The following HOOK3 variants were observed in gnomAD, a reference collection of about 807,000 sequenced individuals.
HOOK3 encodes hook microtubule tethering protein 3.
In HOOK3, 24 loss-of-function variants were observed where a neutral mutation model predicts 116.3. The ratio of observed to expected loss-of-function variants is 0.21; its 90% CI spans 0.15 to 0.29. The LOEUF is 0.29. Among genes scored for constraint, HOOK3 ranks in the 10% least tolerant of loss-of-function variants. The probability of loss-of-function intolerance (pLI) is 1.00; values close to 1 mark genes in which losing one functional copy is unlikely to be tolerated. For synonymous variants in HOOK3, 275 were observed against 283.0 expected (o/e 0.97, Z 0.28); for missense variants, 632 against 830.2 (o/e 0.76, Z 2.93).
At chr8:42,975,357 C>T (rs572916447) in intron 13 of HOOK3, among the ~76,000 whole-genome samples, 1 of 152,304 alleles carries the variant, frequency 6.6e-6, no homozygotes, top group Admixed American at 6.5e-5. Context: ...GCCATGGCCT[C>T]ATTCATCCCG....
Position 42,930,180 on chromosome 8 carries a change from C to A in HOOK3, c.267+8C>A. The A allele has an allele frequency of 6.6e-7, 1 of 1,525,318 alleles. No individual in the cohort carries two copies. Among genetic ancestry groups the A allele is most frequent in the South Asian group, 1.3e-5 (1 of 77,048 alleles). The allele number at this position is 1,525,318 out of a possible 1,614,324, so 94.5% of individuals were successfully genotyped here. On this transcript the variant is annotated splice_region_variant and intron_variant, in intron 4 of 21. Coordinates refer to ENST00000307602, the MANE Select transcript of HOOK3 (RefSeq NM_032410.4). ...TTGGATTATAATCATGAGGTAAAGACTTTTTTCTCATTCTGCTTAGAAGTG... is the reference window on the plus strand; with the variant it reads ...TTGGATTATAATCATGAGGTAAAGAATTTTTTCTCATTCTGCTTAGAAGTG...
At chr8:43,002,192 C>T in intron 17 of HOOK3, 51 bp downstream of exon 17, 1 of 1,393,070 alleles carries the variant, frequency 7.2e-7, no homozygotes, top group Non-Finnish European at 1.0e-6. Flanking sequence ...AACACATGTG[C>T]TTTGTGTTAG....
intron 5 of HOOK3, among the ~76,000 whole-genome samples, chr8:42,945,336 G>T (rs928198822): frequency 3.3e-5 from 5 of 152,020 alleles, no homozygotes; most frequent in Non-Finnish European, 5.9e-5. Context: ...TCGAGATGGA[G>T]TCTTGCTCTG....
chr8:43,030,271 C>T lies in HOOK3; in HGVS notation c.*11773C>T, dbSNP rs1165331648. ...AAAAACATAAAGTCCAGGAAACCAC[C>T]AGAAGATGGATTTTTAGTGTTTTTG... On this transcript the variant is annotated 3_prime_UTR_variant, in exon 22 of 22. Coordinates refer to ENST00000307602, the MANE Select transcript of HOOK3 (RefSeq NM_032410.4). 5.2e-6 allele frequency: 1 copy of T among 191,268 alleles called. No individual in the cohort carries two copies. The highest frequency in any genetic ancestry group is 2.3e-5 in the African/African-American group (1 of 43,024). The allele number at this position is 191,268 out of a possible 1,614,324, so 11.8% of individuals were successfully genotyped here.
At chr8:42,901,765 GCAGTGGCACAATCTCGGCTCACTGCAACC>G (rs2130312356) in intron 1 of HOOK3, among the ~76,000 whole-genome samples, 1 of 152,334 alleles carries the variant, frequency 6.6e-6, no homozygotes, top group South Asian at 2.1e-4. Context: ...AGGCTGGAGT[GCAGTGGCACAATCTCGGCTCACTGCAACC>G]TCCACCTCCT....
At chr8:42,953,318 C>T (rs1474678856) in intron 6 of HOOK3, among the ~76,000 whole-genome samples, 1 of 149,776 alleles carries the variant, frequency 6.7e-6, no homozygotes, top group African/African-American at 2.5e-5. Context: ...GTAATCCCAG[C>T]ACATTGGGAG....
At chr8:42,907,833 A>C (rs936140305) in intron 2 of HOOK3, among the ~76,000 whole-genome samples, 12 of 151,334 alleles carry the variant, frequency 7.9e-5, no homozygotes, top group South Asian at 2.1e-4. Flanking sequence ...AAAAAAAAAA[A>C]AAAAAACAGT....
At chr8:42,963,382 G>T (rs1808571518) in intron 8 of HOOK3, among the ~76,000 whole-genome samples, 1 of 152,158 alleles carries the variant, frequency 6.6e-6, no homozygotes, top group African/African-American at 2.4e-5. Context: ...TGGATTTTTG[G>T]ATTTGGGATG....
At chr8:42,912,686 GCCCACCACACACTGCCTTC>G (rs1394546479) in intron 2 of HOOK3, among the ~76,000 whole-genome samples, 1 of 78,670 alleles carries the variant, frequency 1.3e-5, no homozygotes, top group Non-Finnish European at 2.5e-5. Flanking sequence ...CACACTCCTT[GCCCACCACACACTGCCTTC>G]CCCCACCACA....
chr8:43,014,839 C>T (rs971048061), intron 21 of HOOK3, among the ~76,000 whole-genome samples: 17 of 152,054 alleles, frequency 1.1e-4, no homozygotes, highest in Non-Finnish European at 7.4e-5. Flanking sequence ...TCTGTATTTG[C>T]CTTGGTCAAA....
In HOOK3 at chr8:43,030,030, CA is replaced by C; in HGVS notation, c.*11537del. 3 of 212,456 alleles carry C rather than the reference CA, an allele frequency of 1.4e-5. No individual in the cohort carries two copies. The highest frequency in any genetic ancestry group is 7.1e-5 in the East Asian group (1 of 14,030). 13.2% of individuals were successfully genotyped at this position (212,456 alleles called of 1,614,324 possible). On this transcript the variant is annotated 3_prime_UTR_variant, in exon 22 of 22. Transcript: ENST00000307602. ...AATTTCATTCTTTGTCATTATAATC[CA>C]AAAACAATGTCCACATCAGACTTGG... is the stretch of plus-strand genomic sequence containing the variant.
In HOOK3 at chr8:43,021,872, T is replaced by C. The variant is rs1195043670; in HGVS notation, c.*3374T>C. The C allele has an allele frequency of 6.2e-6, 1 of 162,268 alleles. No individual in the cohort carries two copies. Among genetic ancestry groups the C allele is most frequent in the Non-Finnish European group, 1.3e-5 (1 of 74,202 alleles). The allele number at this position is 162,268 out of a possible 1,614,324, so 10.1% of individuals were successfully genotyped here. A position where few individuals can be genotyped will look rare whatever the true frequency, so the allele number is the denominator to read the frequency against. ...TTTTAGTAGAGACGGGGTTTCACCA[T>C]GTTAGCCAGGATGGTCTCGATCTCC... On this transcript the variant is annotated 3_prime_UTR_variant, in exon 22 of 22. Coordinates refer to ENST00000307602, the MANE Select transcript of HOOK3 (RefSeq NM_032410.4).
At chr8:42,935,292 C>T (rs1807946454) in intron 4 of HOOK3, among the ~76,000 whole-genome samples, 1 of 151,844 alleles carries the variant, frequency 6.6e-6, no homozygotes, top group African/African-American at 2.4e-5. Flanking sequence ...GGATATTAGC[C>T]CTTTGTCAGA....
chr8:42,982,803 T>A (rs1808977394), intron 14 of HOOK3, 107 bp downstream of exon 14: 4 of 737,714 alleles, frequency 5.4e-6, no homozygotes, highest in East Asian at 2.6e-5. Context: ...TCACCGACAC[T>A]TTCAACATGA....
intron 19 of HOOK3, among the ~76,000 whole-genome samples, chr8:43,011,703 G>A (rs1457423037): frequency 6.6e-6 from 1 of 151,922 alleles, no homozygotes; most frequent in South Asian, 2.1e-4. Context: ...TCCAGACTCC[G>A]TCTCTACAAA....
chr8:42,971,439 G>A (rs927756413), intron 11 of HOOK3, among the ~76,000 whole-genome samples: 17 of 150,988 alleles, frequency 1.1e-4, no homozygotes, highest in African/African-American at 1.5e-4. Context: ...GCTAATTTTT[G>A]TGTATTTTTA....
Position 43,013,040 on chromosome 8 carries a change from A to T in HOOK3, c.1840-11A>T, listed in dbSNP as rs781308419. ...AGACTTTTTAAATTTTTCTTTTATT[A>T]TTTTTTGCAGGTCATCCGTACTTTA... On this transcript the variant is annotated splice_polypyrimidine_tract_variant and intron_variant, in intron 19 of 21. Transcript: ENST00000307602. The T allele has an allele frequency of 1.9e-6, 3 of 1,549,802 alleles. No individual in the cohort carries two copies.
intron 4 of HOOK3, among the ~76,000 whole-genome samples, chr8:42,939,022 C>A (rs1001292730): frequency 1.3e-5 from 2 of 152,244 alleles, no homozygotes; most frequent in Middle Eastern, 3.4e-3. Flanking sequence ...TCAGAGAGCA[C>A]AGGGTTGGGG....
rs575715783 is a variant in HOOK3 at position 43,029,259 on chromosome 8, C to G, written c.*10761C>G. On this transcript the variant is annotated 3_prime_UTR_variant, in exon 22 of 22. Transcript: ENST00000307602. ...CCGCCTCCCAGGTTCAAGCTATTCT[C>G]CTGCCTCAGCCTCCCAAGTAACTGG... 7 of 165,858 alleles carry G rather than the reference C, an allele frequency of 4.2e-5. No homozygotes were observed. In the East Asian group the frequency reaches 8.8e-4, roughly 21 times the overall value. The allele number at this position is 165,858 out of a possible 1,614,324, so 10.3% of individuals were successfully genotyped here. A position where few individuals can be genotyped will look rare whatever the true frequency, so the allele number is the denominator to read the frequency against.
Sources: allele counts gnomAD v4.1 joint callset (sites outside exome capture counted in the v4.1 genomes callset), GRCh38; gene constraint gnomAD v4.1.1; transcripts MANE v1.5; gene names NCBI Gene and HGNC (gene_info 2026-07-23, HGNC 2026-07-21).